The following FARS2 variants were observed in gnomAD, a reference collection of about 807,000 sequenced individuals.
FARS2 encodes phenylalanyl-tRNA synthetase 2, mitochondrial.
In FARS2, 40 loss-of-function variants were observed where a neutral mutation model predicts 46.4. The ratio of observed to expected loss-of-function variants is 0.86; its 90% CI spans 0.67 to 1.12. The LOEUF (loss-of-function observed/expected upper bound fraction) is 1.12, where lower values mean the gene tolerates loss of function less well. FARS2 is among the 50% of genes most tolerant of loss of function. FARS2 has a pLI of 0.00. For synonymous variants in FARS2, 234 were observed against 214.9 expected (o/e 1.09, Z -0.78); for missense variants, 513 against 567.9 (o/e 0.90, Z 0.98).
intron 2 of FARS2, among the ~76,000 whole-genome samples, chr6:5,399,193 G>A (rs1761102697): frequency 7.1e-6 from 1 of 141,748 alleles, no homozygotes; most frequent in African/African-American, 2.7e-5. Flanking sequence ...CATCATCATC[G>A]AGACGGAGTC....
rs1026885591 is a variant in FARS2, at chr6:5,420,819, C to T, written c.773-10222C>T. Among the ~76,000 whole-genome samples, 41 of 152,152 alleles carry T rather than the reference C, an allele frequency of 2.7e-4. 1 individual carries two copies. The highest frequency in any genetic ancestry group is 7.0e-4 in the African/African-American group (29 of 41,424). ...GTCATGGAGCTTATCCCATCCCAGA[C>T]TCTGACTTGAAGCTTTTTGCCTCCC... On this transcript the variant is annotated intron_variant, in intron 3 of 6. Transcript: ENST00000274680.
chr6:5,454,812 A>T (rs2742981), intron 4 of FARS2, among the ~76,000 whole-genome samples: 109,615 of 151,810 alleles, frequency 0.72, 39,878 homozygotes, highest in East Asian at 0.91. Context: ...GGCCATGCGG[A>T]CCCGCCTTCA....
upstream of FARS2, among the ~76,000 whole-genome samples, chr6:5,256,211 C>T (rs535884761): frequency 6.6e-6 from 1 of 152,076 alleles, no homozygotes; most frequent in South Asian, 2.1e-4. Context: ...GGTTCTTGGC[C>T]AGGCGCGGTG....
intron 2 of FARS2, among the ~76,000 whole-genome samples, chr6:5,385,588 A>AT (rs1471793605): frequency 9.9e-5 from 15 of 150,796 alleles, no homozygotes; most frequent in Non-Finnish European, 1.3e-4. Flanking sequence ...TGCCCAGCTA[A>AT]TTTTTTTTTG....
At chr6:5,265,028 C>G (rs1377765797) in intron 1 of FARS2, among the ~76,000 whole-genome samples, 2 of 143,918 alleles carry the variant, frequency 1.4e-5, no homozygotes, top group African/African-American at 2.5e-5. Context: ...TGGTCTCAAA[C>G]TCCTCAGTGC....
At chr6:5,474,039 C>A (rs1018500601) in intron 4 of FARS2, among the ~76,000 whole-genome samples, 13 of 152,106 alleles carry the variant, frequency 8.5e-5, no homozygotes, top group Non-Finnish European at 1.3e-4. Context: ...ATGTAGCCTC[C>A]CAATAACCAG....
intron 1 of FARS2, among the ~76,000 whole-genome samples, chr6:5,279,028 GA>G (rs1323255376): frequency 6.6e-6 from 1 of 151,802 alleles, no homozygotes; most frequent in African/African-American, 2.4e-5. Context: ...GTCTTTGAAA[GA>G]GAACTTGAAC....
At chr6:5,491,934 C>A (rs148672555) in intron 4 of FARS2, among the ~76,000 whole-genome samples, 5,824 of 151,794 alleles carry the variant, frequency 0.038, 151 homozygotes, top group South Asian at 0.12. Flanking sequence ...CTGGTATGTA[C>A]ATTCTTTTTG....
upstream of FARS2, among the ~76,000 whole-genome samples, chr6:5,258,426 GATT>G (rs1296588325): frequency 6.6e-6 from 1 of 152,156 alleles, no homozygotes; most frequent in African/African-American, 2.4e-5. Flanking sequence ...TACCTCACAA[GATT>G]ATTGTCAAAA....
chr6:5,419,781 C>T (rs994297179), intron 3 of FARS2, among the ~76,000 whole-genome samples: 1 of 152,180 alleles, frequency 6.6e-6, no homozygotes, highest in Non-Finnish European at 1.5e-5. Context: ...ATCCCAGCCT[C>T]TGACTTGAAG....
At chr6:5,475,064 A>G (rs1388972399) in intron 4 of FARS2, among the ~76,000 whole-genome samples, 8 of 152,188 alleles carry the variant, frequency 5.3e-5, no homozygotes, top group African/African-American at 1.7e-4. Flanking sequence ...AGAACCATAT[A>G]CAAGGTGGAA....
At chr6:5,254,054 C>T in the FARS2 span, among the ~76,000 whole-genome samples, 8 of 152,204 alleles carry the variant, frequency 5.3e-5, no homozygotes, top group Admixed American at 1.3e-4. Context: ...GTCTGCTCCA[C>T]TAGAGCTTCT....
intron 2 of FARS2, among the ~76,000 whole-genome samples, chr6:5,379,112 T>C (rs948389589): frequency 1.3e-5 from 2 of 152,202 alleles, no homozygotes; most frequent in African/African-American, 4.8e-5. Context: ...TTAGTTTGTG[T>C]GTGCCTGGTG....
chr6:5,532,962 T>G (rs1769957386), intron 4 of FARS2, among the ~76,000 whole-genome samples: 1 of 151,864 alleles, frequency 6.6e-6, no homozygotes, highest in Non-Finnish European at 1.5e-5. Flanking sequence ...TTTTTCAATA[T>G]GTAGTAGTTC....
intron 6 of FARS2, among the ~76,000 whole-genome samples, chr6:5,754,296 T>C (rs1762099197): frequency 6.6e-6 from 1 of 152,290 alleles, no homozygotes; most frequent in Non-Finnish European, 1.5e-5. Context: ...TGCTTCACAG[T>C]GTGTTCCAGG....
chr6:5,612,562 A>G (rs1198042712), intron 5 of FARS2, among the ~76,000 whole-genome samples: 1 of 152,202 alleles, frequency 6.6e-6, no homozygotes, highest in Non-Finnish European at 1.5e-5. Context: ...TCTGTCCTAT[A>G]TAATGGTGAA....
chr6:5,438,013 T>G (rs1763623749), intron 4 of FARS2, among the ~76,000 whole-genome samples: 1 of 152,116 alleles, frequency 6.6e-6, no homozygotes, highest in Non-Finnish European at 1.5e-5. Flanking sequence ...TTGAAGGATG[T>G]TTTTATTGAA....
At chr6:5,545,512 T>C (rs1157556196) in intron 5 of FARS2, among the ~76,000 whole-genome samples, 172 bp downstream of exon 5, 1 of 152,198 alleles carries the variant, frequency 6.6e-6, no homozygotes, top group African/African-American at 2.4e-5. Flanking sequence ...TGCATAGGTA[T>C]ACGTGTGCCA....
At chr6:5,698,946 G>A (rs972830654) in intron 6 of FARS2, among the ~76,000 whole-genome samples, 3 of 152,180 alleles carry the variant, frequency 2.0e-5, no homozygotes, top group Admixed American at 6.5e-5. Flanking sequence ...CACCACCTGC[G>A]TGTCCTGCCA....
Sources: allele counts gnomAD v4.1 joint callset (sites outside exome capture counted in the v4.1 genomes callset), GRCh38; gene constraint gnomAD v4.1.1; transcripts MANE v1.5; gene names NCBI Gene and HGNC (gene_info 2026-07-23, HGNC 2026-07-21).